Variants in C8orf34 observed in about 807,000 individuals in gnomAD.
C8orf34 encodes uncharacterized protein C8orf34.
In C8orf34, 65 loss-of-function variants were observed where a neutral mutation model predicts 68.3. The observed-to-expected ratio is 0.95, with a 90% CI of 0.78 to 1.17. The LOEUF (loss-of-function observed/expected upper bound fraction) is 1.17. Among genes scored for constraint, C8orf34 ranks in the 50% most tolerant of loss-of-function variants. The pLI, the probability that C8orf34 is intolerant of heterozygous loss-of-function variation, is 0.00. For missense variants in C8orf34, 664 were observed against 655.4 expected, an observed-to-expected ratio of 1.01 and a Z score of -0.14; for synonymous variants, 244 against 241.2, an observed-to-expected ratio of 1.01 and a Z score of -0.11.
intron 3 of C8orf34, among the ~76,000 whole-genome samples, chr8:68,459,429 C>T (rs1312955272): frequency 6.6e-6 from 1 of 152,082 alleles, no homozygotes; most frequent in Non-Finnish European, 1.5e-5. Context: ...GATGGGGTTT[C>T]TCCATGTTGG....
At chr8:68,440,291 C>T (rs539371472) in intron 2 of C8orf34, among the ~76,000 whole-genome samples, 2 of 152,248 alleles carry the variant, frequency 1.3e-5, no homozygotes, top group Non-Finnish European at 2.9e-5. Flanking sequence ...GCTTGGGTAA[C>T]TAACTTCTTG....
chr8:68,812,732 TC>T (rs1203384099), intron 12 of C8orf34, among the ~76,000 whole-genome samples: 9 of 152,170 alleles, frequency 5.9e-5, no homozygotes, highest in Non-Finnish European at 8.8e-5. Context: ...TGAATCAACT[TC>T]ATGAATGAAT....
chr8:68,467,669 G>A (rs998465569), intron 3 of C8orf34, among the ~76,000 whole-genome samples: 5 of 151,908 alleles, frequency 3.3e-5, no homozygotes, highest in Non-Finnish European at 7.4e-5. Flanking sequence ...TTTTGGTAGA[G>A]CAACTCCAGT....
intron 8 of C8orf34, among the ~76,000 whole-genome samples, chr8:68,687,065 G>C (rs1370187021): frequency 6.6e-6 from 1 of 152,172 alleles, no homozygotes; most frequent in East Asian, 1.9e-4. Flanking sequence ...CCAAGGAGGT[G>C]AAAGAGCTGT....
chr8:68,532,971 A>G lies in C8orf34; in HGVS notation c.939-12A>G, dbSNP rs766495837. On this transcript the variant is annotated splice_polypyrimidine_tract_variant and intron_variant, in intron 6 of 13. Transcript: ENST00000518698. ...CTTATCACAGCTAATTAACATTTAA[A>G]TATTTCTTCAGCTTAAAGATGGAGC... 50 of 1,549,442 alleles carry G rather than the reference A, an allele frequency of 3.2e-5. No individual in the cohort carries two copies. The highest frequency in any genetic ancestry group is 4.4e-5 in the Non-Finnish European group (50 of 1,140,856).
Position 68,399,082 on chromosome 8 carries a change from G to A in C8orf34, c.328-40417G>A, listed in dbSNP as rs559563812. Among the ~76,000 whole-genome samples the A allele has an allele frequency of 3.3e-5, 5 of 152,170 alleles. No homozygotes were observed. In the East Asian group the frequency reaches 9.6e-4, roughly 29 times the overall value. On this transcript the variant is annotated intron_variant, in intron 1 of 13. Transcript: ENST00000518698. ...CCATCCTATCTTTAATATTTTTCAGGATGAAACTGTATTTATTAGAATGCC... is the reference window on the plus strand; with the variant it reads ...CCATCCTATCTTTAATATTTTTCAGAATGAAACTGTATTTATTAGAATGCC...
chr8:68,783,897 A>G (rs1179676962), intron 11 of C8orf34, among the ~76,000 whole-genome samples: 1 of 152,182 alleles, frequency 6.6e-6, no homozygotes, highest in Non-Finnish European at 1.5e-5. Context: ...TTAAAAATAA[A>G]CTTTTTTAGA....
chr8:68,470,446 T>C (rs142826132), intron 4 of C8orf34, among the ~76,000 whole-genome samples: 13 of 152,222 alleles, frequency 8.5e-5, no homozygotes, highest in African/African-American at 2.9e-4. Flanking sequence ...TTTGCTGTGT[T>C]CCCCCAAATT....
At chr8:68,772,751 CTCCTTCCTTCTT>C (rs541010777) in intron 10 of C8orf34, among the ~76,000 whole-genome samples, 44 of 129,318 alleles carry the variant, frequency 3.4e-4, no homozygotes, top group Non-Finnish European at 4.9e-4. Flanking sequence ...CTCTCTTTCT[CTCCTTCCTTCTT>C]TCCTTCCTTC....
chr8:68,565,988 T>A (rs528794018), intron 7 of C8orf34, among the ~76,000 whole-genome samples: 1 of 152,338 alleles, frequency 6.6e-6, no homozygotes, highest in East Asian at 1.9e-4. Flanking sequence ...AACAAGAGTT[T>A]TACTCAAGAT....
At chr8:68,536,805 A>G (rs2129881001) in intron 7 of C8orf34, among the ~76,000 whole-genome samples, 1 of 152,308 alleles carries the variant, frequency 6.6e-6, no homozygotes, top group African/African-American at 2.4e-5. Context: ...GTCTTAGCCT[A>G]TAATTATATA....
intron 11 of C8orf34, among the ~76,000 whole-genome samples, chr8:68,777,505 T>G (rs7461173): frequency 0.49 from 73,935 of 152,128 alleles, 20,501 homozygotes; most frequent in African/African-American, 0.76. Flanking sequence ...GCCTTTTCAC[T>G]TAAAGTACTT....
intron 1 of C8orf34, among the ~76,000 whole-genome samples, chr8:68,374,717 G>A (rs964671904): frequency 2.6e-5 from 4 of 152,068 alleles, no homozygotes; most frequent in African/African-American, 9.7e-5. Context: ...AATGTAAACA[G>A]TTTAAATAAT....
intron 1 of C8orf34, among the ~76,000 whole-genome samples, chr8:68,364,783 A>G (rs1388363225): frequency 1.3e-5 from 2 of 149,218 alleles, no homozygotes; most frequent in Admixed American, 6.7e-5. Flanking sequence ...AATGCCCACA[A>G]GAGAAAGCAG....
intron 6 of C8orf34, among the ~76,000 whole-genome samples, chr8:68,526,497 C>T (rs896637832): frequency 6.6e-6 from 1 of 152,110 alleles, no homozygotes; most frequent in Admixed American, 6.6e-5. Context: ...GCTCAGTTCA[C>T]AGTACTAGGT....
intron 5 of C8orf34, among the ~76,000 whole-genome samples, chr8:68,507,299 A>AT (rs1814068401): frequency 6.6e-6 from 1 of 152,008 alleles, no homozygotes; most frequent in South Asian, 2.1e-4. Flanking sequence ...GAACCCATTG[A>AT]TTTATTACTT....
chr8:68,516,650 T>TTTATTTATTTATTTA (rs1814531565), intron 5 of C8orf34, among the ~76,000 whole-genome samples: 7 of 112,174 alleles, frequency 6.2e-5, no homozygotes, highest in African/African-American at 4.7e-4. Flanking sequence ...TTATTTATTT[T>TTTATTTATTTATTTA]TTATTTATTT....
At chr8:68,616,140 C>T (rs574536131) in intron 7 of C8orf34, among the ~76,000 whole-genome samples, 71 of 150,912 alleles carry the variant, frequency 4.7e-4, no homozygotes, top group Non-Finnish European at 6.9e-4. Context: ...GGTGATATCC[C>T]CTTTATTGTT....
At chr8:68,351,241 A>G (rs1806499860) in intron 1 of C8orf34, among the ~76,000 whole-genome samples, 1 of 151,976 alleles carries the variant, frequency 6.6e-6, no homozygotes, top group Non-Finnish European at 1.5e-5. Flanking sequence ...TGGATATAGG[A>G]TTCTTGGTTG....
Sources: gnomAD v4.1 joint callset for allele counts (sites outside exome capture counted in the v4.1 genomes callset) on GRCh38, gnomAD v4.1.1 for gene constraint, MANE v1.5 for transcripts, NCBI Gene and HGNC (gene_info 2026-07-23, HGNC 2026-07-21) for gene names.